The following ACSF2 variants were observed in gnomAD, a reference collection of about 807,000 sequenced individuals.
ACSF2 encodes the protein acyl-CoA synthetase family member 2.
A neutral mutation model predicts 79.3 loss-of-function variants in ACSF2; 52 were observed. That is an observed-to-expected ratio of 0.66 (90% CI 0.53 to 0.83). ACSF2 has a LOEUF of 0.83. Ranked by LOEUF, ACSF2 falls within the 40% of genes least tolerant of loss-of-function variation. The pLI is 0.00. For missense variants in ACSF2, 661 were observed against 803.3 expected, an observed-to-expected ratio of 0.82 and a Z score of 2.14; for synonymous variants, 283 against 312.6, an observed-to-expected ratio of 0.91 and a Z score of 1.00.
At chr17:50,470,985 C>A in intron 10 of ACSF2, 43 bp from the exon 11 acceptor site, 2 of 1,428,438 alleles carry the variant, frequency 1.4e-6, no homozygotes, top group Non-Finnish European at 2.0e-6. Flanking sequence ...GATCCCTCTG[C>A]ACGTGCTGAG....
At position 50,471,186 on chromosome 17, in the gene ACSF2, G is replaced by T. The variant is rs544361965; in HGVS notation, c.1323+51G>T. The T allele has an allele frequency of 6.6e-7, 1 of 1,508,598 alleles. No individual in the cohort carries two copies. Among genetic ancestry groups the T allele is most frequent in the South Asian group, 1.1e-5 (1 of 88,790 alleles). The allele number at this position is 1,508,598 out of a possible 1,614,324, so 93.5% of individuals were successfully genotyped here. ...GTCCCACCTCCCGTCACCCAGCTGG[G>T]GTGCACCCAGCTGGGACATCGGTTG... On this transcript the variant is annotated intron_variant, in intron 11 of 15. Transcript: ENST00000300441. The surrounding 1 kb of genome is among the most constrained non-coding windows in gnomAD (Gnocchi z 4.1).
At chr17:50,465,342 A>C in intron 10 of ACSF2, 1 of 1,614,060 alleles carries the variant, frequency 6.2e-7, no homozygotes. Flanking sequence ...GGGAACTTGC[A>C]GCTGCGGAAG....
intron 1 of ACSF2, among the ~76,000 whole-genome samples, chr17:50,436,478 G>T (rs960514674): frequency 2.4e-4 from 37 of 151,962 alleles, no homozygotes; most frequent in African/African-American, 8.2e-4. Context: ...TGTTGCCCAG[G>T]CTGGAGTGCA....
At chr17:50,472,273 C>G in intron 11 of ACSF2, 155 bp from the exon 12 acceptor site, 1 of 839,758 alleles carries the variant, frequency 1.2e-6, no homozygotes, top group Non-Finnish European at 1.8e-6. Context: ...GCCTTTGTCT[C>G]CCTTCTCTGG....
In ACSF2 at chr17:50,426,367, T is replaced by A. The variant is rs1020027301; in HGVS notation, c.106T>A (p.Leu36Met). ...CTCTCGGAGTTGGCAGGAAGCCAGG[T>A]TGCAGGGTGTCCGCTTCCTCAGGTA... is the stretch of plus-strand genomic sequence containing the variant. ...ALSRSWQEAR[L>M]QGVRFLSSRE... Residue 36 changes from leucine to methionine, a missense_variant, in exon 1 of 16, where the codon TTG (leucine) becomes ATG (methionine). Physicochemically the swap from Leu to Met is conservative, Grantham distance 15 (BLOSUM62 2). Coordinates refer to ENST00000300441, the MANE Select transcript of ACSF2 (RefSeq NM_025149.6). 12 of 1,400,080 alleles carry A rather than the reference T, an allele frequency of 8.6e-6. No homozygotes were observed. The Admixed American group carries it at 2.6e-4, about 30-fold the overall frequency. 86.7% of individuals were successfully genotyped at this position (1,400,080 alleles called of 1,614,324 possible).
chr17:50,426,424 C>T, intron 1 of ACSF2, 35 bp downstream of exon 1: 1 of 1,291,810 alleles, frequency 7.7e-7, no homozygotes, highest in South Asian at 2.7e-5. Flanking sequence ...GGGGGCGGGG[C>T]AGTTCCCCGG....
At chr17:50,445,868 A>G (rs2031266854) in intron 1 of ACSF2, among the ~76,000 whole-genome samples, 1 of 152,146 alleles carries the variant, frequency 6.6e-6, no homozygotes, top group Admixed American at 6.5e-5. Context: ...GCATTCAGTA[A>G]GCCATATTCT....
intron 1 of ACSF2, among the ~76,000 whole-genome samples, chr17:50,439,694 T>C (rs2030741154): frequency 6.6e-6 from 1 of 152,198 alleles, no homozygotes; most frequent in Non-Finnish European, 1.5e-5. Context: ...AAGTGTTTGC[T>C]GCTGGGCTCA....
At chr17:50,453,422 G>C (rs1193973217) in intron 1 of ACSF2, among the ~76,000 whole-genome samples, 1 of 152,054 alleles carries the variant, frequency 6.6e-6, no homozygotes, top group Non-Finnish European at 1.5e-5. Context: ...TGGCCAGGCT[G>C]GTCTCAAACT....
rs921432190 is a variant in ACSF2 at position 50,473,791 on chromosome 17, G to A, written c.1602G>A (p.Lys534=). ...AGGACTTCTTTCACACACACCCGAA[G>A]GTGCAGGAAGTGCAGGTGAGGCACT... ...ELEDFFHTHP[K]VQEVQVVGVK... is the part of the protein sequence containing the mutation. Residue 534 remains lysine, a synonymous_variant, in exon 13 of 16, where the codon AAG becomes AAA. Transcript: ENST00000300441. 1.2e-6 allele frequency: 2 copies of A among 1,614,082 alleles called. No individual in the cohort carries two copies. Among genetic ancestry groups the A allele is most frequent in the African/African-American group, 2.7e-5 (2 of 74,922 alleles).
At chr17:50,466,280 G>A (rs1318526663) in intron 10 of ACSF2, among the ~76,000 whole-genome samples, 4 of 151,728 alleles carry the variant, frequency 2.6e-5, no homozygotes, top group African/African-American at 9.7e-5. Context: ...TAGTAGAGAC[G>A]CAGTTTCACC....
chr17:50,474,582 G>A lies in ACSF2; in HGVS notation c.*30G>A, dbSNP rs375697411. 6.2e-6 allele frequency: 10 copies of A among 1,611,546 alleles called. No individual in the cohort carries two copies. The African/African-American group carries it at 1.2e-4, about 19-fold the overall frequency. On this transcript the variant is annotated 3_prime_UTR_variant, in exon 16 of 16. Coordinates refer to ENST00000300441, the MANE Select transcript of ACSF2 (RefSeq NM_025149.6). The surrounding 1 kb of genome is among the most constrained non-coding windows in gnomAD (Gnocchi z 4.2). ...AGCAGCAGGCCTGTCCTGGCCGGTT[G>A]GCTTGACTCTCTCCTGTCAGAATGC...
intron 1 of ACSF2, among the ~76,000 whole-genome samples, chr17:50,430,172 G>A (rs1270865036): frequency 6.6e-6 from 1 of 152,188 alleles, no homozygotes; most frequent in African/African-American, 2.4e-5. Flanking sequence ...TGGGGACAGA[G>A]GGGTAAGGGG....
At chr17:50,473,619 G>A (rs1351684836) in intron 12 of ACSF2, 46 bp from the exon 13 acceptor site, 2 of 1,612,454 alleles carry the variant, frequency 1.2e-6, no homozygotes, top group South Asian at 1.1e-5. Context: ...AAGCAAGTGA[G>A]TGAACAAGGC....
At chr17:50,448,076 A>C (rs1439080096) in intron 1 of ACSF2, among the ~76,000 whole-genome samples, 1 of 152,244 alleles carries the variant, frequency 6.6e-6, no homozygotes, top group African/African-American at 2.4e-5. Flanking sequence ...TGAGAAATAC[A>C]TCAGACAATT....
chr17:50,467,917 T>G, intron 10 of ACSF2: 6 of 1,000,576 alleles, frequency 6.0e-6, no homozygotes, highest in Non-Finnish European at 8.8e-6. Flanking sequence ...GCTGCTCACC[T>G]TGGAGATAGC....
chr17:50,461,599 C>A, intron 3 of ACSF2, 34 bp from the exon 4 acceptor site: 1 of 1,613,990 alleles, frequency 6.2e-7, no homozygotes. Flanking sequence ...AGGGTCTGCC[C>A]AGAATACTGA....
At chr17:50,458,491 G>A (rs1028124158) in intron 1 of ACSF2, among the ~76,000 whole-genome samples, 1 of 152,084 alleles carries the variant, frequency 6.6e-6, no homozygotes, top group Non-Finnish European at 1.5e-5. Flanking sequence ...AATTTCTTAA[G>A]GGAGTTTTCC....
At chr17:50,468,016 C>A (rs892013055) in intron 10 of ACSF2, 7 of 1,553,818 alleles carry the variant, frequency 4.5e-6, no homozygotes, top group African/African-American at 1.4e-5. Flanking sequence ...GGAACCAGGG[C>A]AGAGCCCACA....
Sources: gnomAD v4.1 joint callset for allele counts (sites outside exome capture counted in the v4.1 genomes callset) on GRCh38, gnomAD v4.1.1 for gene constraint, Gnocchi (gnomAD v3.1) non-coding constraint, MANE v1.5 for transcripts, NCBI Gene and HGNC (gene_info 2026-07-23, HGNC 2026-07-21) for gene names.